NMD3: variants seen among roughly 807,000 people sequenced by gnomAD.
The protein encoded by NMD3 is 60S ribosomal export protein NMD3.
A neutral mutation model predicts 73.1 loss-of-function variants in NMD3; 47 were observed. That is an observed-to-expected ratio of 0.64 (90% CI 0.51 to 0.82). NMD3 has a LOEUF of 0.82. Ranked by LOEUF, NMD3 falls within the 40% of genes least tolerant of loss-of-function variation. The probability of loss-of-function intolerance (pLI) is 0.00; values close to 1 mark genes in which losing one functional copy is unlikely to be tolerated. For synonymous variants in NMD3, 210 were observed against 194.5 expected (o/e 1.08, Z -0.66); for missense variants, 554 against 612.5 (o/e 0.90, Z 1.01).
intron 2 of NMD3, among the ~76,000 whole-genome samples, chr3:161,224,150 T>C (rs774454132): frequency 1.4e-4 from 21 of 152,210 alleles, no homozygotes; most frequent in Non-Finnish European, 2.8e-4. Flanking sequence ...TGTGACAATA[T>C]AGTTTCATTT....
intron 6 of NMD3, 31 bp downstream of exon 6, chr3:161,234,886 C>T (rs907650943): frequency 6.2e-7 from 1 of 1,606,312 alleles, no homozygotes; most frequent in Non-Finnish European, 8.5e-7. Context: ...GTGAGTCCTA[C>T]ATCTTATATT....
At chr3:161,239,904 T>C (rs1010005857) in intron 9 of NMD3, among the ~76,000 whole-genome samples, 2 of 152,196 alleles carry the variant, frequency 1.3e-5, no homozygotes, top group East Asian at 1.9e-4. Context: ...GGTAAAACTT[T>C]ATTTACAAAA....
chr3:161,247,262 G>A lies in NMD3; in HGVS notation c.1135G>A (p.Asp379Asn). ...LNPGDLVLGF[D>N]LANCNLNDEH... Reference sequence around the variant, plus strand: ...TTTTCATTGTTTACATTTCAGGTTTGATTTGGCCAACTGTAACTTAAATGA... The same window carrying A: ...TTTTCATTGTTTACATTTCAGGTTTAATTTGGCCAACTGTAACTTAAATGA... Residue 379 changes from aspartate (D) to asparagine (N), a missense_variant, in exon 13 of 16, where the codon GAT (aspartate) becomes AAT (asparagine). Physicochemically the swap from Asp to Asn is conservative, Grantham distance 23. Transcript: ENST00000351193. 6.2e-7 allele frequency: 1 copy of A among 1,606,816 alleles called. No homozygotes were observed. Among genetic ancestry groups the A allele is most frequent in the Non-Finnish European group, 8.5e-7 (1 of 1,173,754 alleles).
At chr3:161,231,053 GCATAGAGC>G (rs2108080849) in intron 4 of NMD3, among the ~76,000 whole-genome samples, 1 of 152,314 alleles carries the variant, frequency 6.6e-6, no homozygotes, top group African/African-American at 2.4e-5. Context: ...CATAGTCAAG[GCATAGAGC>G]AGGCAGAGCA....
chr3:161,221,308 C>T (rs1037548676), upstream of NMD3: 4 of 152,398 alleles, frequency 2.6e-5, no homozygotes, highest in African/African-American at 7.2e-5. Context: ...CTCGCGAGAT[C>T]TTCTCTGTGG....
chr3:161,241,068 C>T lies in NMD3; in HGVS notation c.776C>T (p.Pro259Leu), dbSNP rs775008637. ...TAGGATAATGTTGTCTGTCTGTCTC[C>T]AAAACTGGCACAAAGCCTGGGAAAT... ...ICKDNVVCLS[P>L]KLAQSLGNMN... The change falls in exon 10 of 16, where the codon CCA (proline) becomes CTA (leucine). Residue 259 changes from proline (P) to leucine (L), a missense_variant. Physicochemically the swap from Pro to Leu is moderately conservative, Grantham distance 98. Coordinates refer to ENST00000351193, the MANE Select transcript of NMD3 (RefSeq NM_015938.5). The T allele has an allele frequency of 6.2e-7, 1 of 1,611,916 alleles. No individual in the cohort carries two copies. Among genetic ancestry groups the T allele is most frequent in the Non-Finnish European group, 8.5e-7 (1 of 1,178,976 alleles).
chr3:161,228,293 C>G (rs1441989685), intron 4 of NMD3, among the ~76,000 whole-genome samples: 4 of 152,076 alleles, frequency 2.6e-5, no homozygotes, highest in African/African-American at 9.7e-5. Context: ...AGGTCCCAGC[C>G]AACCCCACAA....
In NMD3 at chr3:161,250,966, T is replaced by C; in HGVS notation, c.*56T>C. On this transcript the variant is annotated 3_prime_UTR_variant, in exon 16 of 16. Coordinates refer to ENST00000351193, the MANE Select transcript of NMD3 (RefSeq NM_015938.5). ...GCTTAAGAAGTTGGACAGAGTTACCTTAAGTGTCTCTACTATCTTTGCCTC... is the reference window on the plus strand; with the variant it reads ...GCTTAAGAAGTTGGACAGAGTTACCCTAAGTGTCTCTACTATCTTTGCCTC... 6.9e-7 allele frequency: 1 copy of C among 1,452,456 alleles called. No homozygotes were observed. Among genetic ancestry groups the C allele is most frequent in the Non-Finnish European group, 9.5e-7 (1 of 1,050,682 alleles). 90.0% of individuals were successfully genotyped at this position (1,452,456 alleles called of 1,614,324 possible). A position where few individuals can be genotyped will look rare whatever the true frequency, so the allele number is the denominator to read the frequency against.
At chr3:161,227,151 C>T in intron 3 of NMD3, 96 bp from the exon 4 acceptor site, 3 of 624,916 alleles carry the variant, frequency 4.8e-6, no homozygotes, top group Admixed American at 3.0e-5. Flanking sequence ...TTTTATTATG[C>T]CTGGTTAATA....
chr3:161,224,578 C>G (rs1022676155), intron 2 of NMD3, among the ~76,000 whole-genome samples: 6 of 152,126 alleles, frequency 3.9e-5, no homozygotes, highest in Non-Finnish European at 7.4e-5. Flanking sequence ...GCAACTTCCA[C>G]CTCCTGGGTT....
chr3:161,239,462 A>G (rs1036896208), intron 9 of NMD3, among the ~76,000 whole-genome samples: 1 of 152,210 alleles, frequency 6.6e-6, no homozygotes, highest in African/African-American at 2.4e-5. Context: ...ATATGTCAGT[A>G]TTAAATCACT....
intron 4 of NMD3, among the ~76,000 whole-genome samples, chr3:161,227,827 T>C (rs1387225046): frequency 2.6e-5 from 4 of 152,208 alleles, no homozygotes; most frequent in African/African-American, 9.7e-5. Flanking sequence ...ATATTCTTTT[T>C]ATGAAAAGTA....
At chr3:161,244,863 T>C (rs1180347833) in intron 11 of NMD3, among the ~76,000 whole-genome samples, 2 of 152,068 alleles carry the variant, frequency 1.3e-5, no homozygotes, top group African/African-American at 2.4e-5. Flanking sequence ...GCCTCCCTTA[T>C]AGGAATGAGC....
intron 4 of NMD3, among the ~76,000 whole-genome samples, chr3:161,229,447 G>A (rs1302099305): frequency 6.6e-6 from 1 of 152,172 alleles, no homozygotes; most frequent in Non-Finnish European, 1.5e-5. Flanking sequence ...GAAGAGTTAA[G>A]GATGCCTTCC....
chr3:161,253,234 A>T (rs1310625963), downstream of NMD3: 1 of 152,994 alleles, frequency 6.5e-6, no homozygotes, highest in African/African-American at 2.4e-5. Context: ...GTGTGCCAGG[A>T]GATACCTCCC....
chr3:161,250,215 C>T (rs1441176372), intron 14 of NMD3, 41 bp from the exon 15 acceptor site: 2 of 1,091,116 alleles, frequency 1.8e-6, no homozygotes, highest in South Asian at 2.6e-5. Flanking sequence ...GAAAATATAA[C>T]TATATTTTTG....
chr3:161,250,561 T>C (rs1038663843), intron 15 of NMD3, among the ~76,000 whole-genome samples: 2 of 152,188 alleles, frequency 1.3e-5, no homozygotes, highest in Non-Finnish European at 2.9e-5. Context: ...CTTAAGTTGC[T>C]CACTCCTATA....
chr3:161,243,520 AC>A (rs1046703060), intron 11 of NMD3, among the ~76,000 whole-genome samples: 6 of 152,066 alleles, frequency 3.9e-5, no homozygotes, highest in African/African-American at 1.4e-4. Flanking sequence ...GGAATATTAT[AC>A]CTTTTTAGTC....
At chr3:161,225,248 CCTT>C (rs1404301551) in intron 3 of NMD3, among the ~76,000 whole-genome samples, 184 bp downstream of exon 3, 69 of 152,164 alleles carry the variant, frequency 4.5e-4, no homozygotes, top group African/African-American at 8.0e-4. Flanking sequence ...TCTAGTGTGT[CCTT>C]CTAATCTGGT....
Sources: allele counts gnomAD v4.1 joint callset (sites outside exome capture counted in the v4.1 genomes callset), GRCh38; gene constraint gnomAD v4.1.1; transcripts MANE v1.5; gene names NCBI Gene and HGNC (gene_info 2026-07-23, HGNC 2026-07-21).